Variants in TJP2 observed in about 807,000 individuals in gnomAD.
TJP2 encodes tight junction protein 2, also known as Friedreich ataxia region gene X104 (tight junction protein ZO-2).
Under a neutral mutation model 133.1 loss-of-function variants are expected in TJP2, and 91 were observed. That is an observed-to-expected ratio of 0.68 (90% CI 0.58 to 0.81). The LOEUF (loss-of-function observed/expected upper bound fraction) is 0.81, where lower values mean the gene tolerates loss of function less well. Ranked by LOEUF, TJP2 falls within the 40% of genes least tolerant of loss-of-function variation. The pLI is 0.00. For synonymous variants in TJP2, 592 were observed against 583.4 expected (o/e 1.01, Z -0.21); for missense variants, 1,541 against 1,565.6 (o/e 0.98, Z 0.26).
chr9:69,223,069 GAAAAAAAAAAAAAAAA>G (rs57114714), intron 5 of TJP2, among the ~76,000 whole-genome samples: 19,374 of 114,404 alleles, frequency 0.17, 1,603 homozygotes, highest in African/African-American at 0.24. Flanking sequence ...ACTCTGTCTT[GAAAAAAAAAAAAAAAA>G]AAAAAAGAAA....
At chr9:69,142,632 T>A (rs1000649423) in intron 1 of TJP2, among the ~76,000 whole-genome samples, 1 of 152,316 alleles carries the variant, frequency 6.6e-6, no homozygotes. Context: ...TTTCCCTTTT[T>A]ATACTTCCAA....
chr9:69,249,341 G>A (rs1250870647), intron 19 of TJP2, 34 bp from the exon 20 acceptor site: 1 of 1,578,836 alleles, frequency 6.3e-7, no homozygotes, highest in Admixed American at 1.8e-5. Flanking sequence ...CTGCTTGGAT[G>A]TTCTTGTTGT....
At chr9:69,155,227 CAAA>C (rs58935075) in intron 2 of TJP2, among the ~76,000 whole-genome samples, 353 of 98,764 alleles carry the variant, frequency 3.6e-3, no homozygotes, top group African/African-American at 0.01. Context: ...ACTCCATTTC[CAAA>C]AAAAAAAAAA....
upstream of TJP2, among the ~76,000 whole-genome samples, chr9:69,171,307 T>C (rs1824667502): frequency 2.6e-5 from 4 of 152,186 alleles, no homozygotes; most frequent in South Asian, 8.3e-4. Flanking sequence ...CCTAACTTCA[T>C]AGCCACGTCA....
Position 69,137,265 on chromosome 9 carries a change from CTTTCTT to C in TJP2, c.-130-14378_-130-14373del, listed in dbSNP as rs200808086. ...TCTCTCTCTCTTTCTTTCTTTCTTTCTTTCTTTTTCTTTCTTTCTTTCTTTCTTTCT... is the reference window on the plus strand; with the variant it reads ...TCTCTCTCTCTTTCTTTCTTTCTTTCTTTCTTTCTTTCTTTCTTTCTTTCT... On this transcript the variant is annotated intron_variant, in intron 1 of 5. Transcript: ENST00000423935. 6.8e-3 allele frequency among the ~76,000 whole-genome samples: 659 copies of C among 96,780 alleles called. 14 individuals are homozygous for C. Among genetic ancestry groups the C allele is most frequent in the African/African-American group, 0.013 (267 of 19,926 alleles). The allele number at this position is 96,780 out of a possible 152,430, so 63.5% of individuals were successfully genotyped here.
At chr9:69,155,236 A>C (rs1432979269) in intron 2 of TJP2, among the ~76,000 whole-genome samples, 1 of 151,518 alleles carries the variant, frequency 6.6e-6, no homozygotes, top group African/African-American at 2.4e-5. Flanking sequence ...CCAAAAAAAA[A>C]AAAAAAAAAA....
intron 1 of TJP2, among the ~76,000 whole-genome samples, chr9:69,198,141 C>CTTTTT (rs5898062): frequency 5.2e-4 from 50 of 96,340 alleles, no homozygotes; most frequent in African/African-American, 1.2e-3. Context: ...TTTCCCAATT[C>CTTTTT]TTTTTTTTTT....
chr9:69,174,187 G>A (rs1439682720), upstream of TJP2: 4 of 1,368,928 alleles, frequency 2.9e-6, no homozygotes, highest in Non-Finnish European at 3.8e-6. Flanking sequence ...CGCTCGGGTC[G>A]GGGGCGGGCT....
chr9:69,130,768 C>T (rs1822461155), intron 1 of TJP2, among the ~76,000 whole-genome samples: 1 of 151,990 alleles, frequency 6.6e-6, no homozygotes, highest in Admixed American at 6.6e-5. Flanking sequence ...GGAGGGGTGG[C>T]TGCGAGGAAG....
At chr9:69,174,470 TCGTGAG>T (rs59568063) in intron 1 of TJP2, 38 bp downstream of exon 1, 2 of 1,515,546 alleles carry the variant, frequency 1.3e-6, no homozygotes, top group East Asian at 5.0e-5. Flanking sequence ...GGGAGGAGGG[TCGTGAG>T]CGTGAGCGTG....
chr9:69,247,078 G>C (rs1045837520), intron 18 of TJP2, among the ~76,000 whole-genome samples: 2 of 152,226 alleles, frequency 1.3e-5, no homozygotes, highest in Admixed American at 6.5e-5. Context: ...AAGATCTCAT[G>C]CTGAGCTCCA....
chr9:69,165,663 A>G (rs978216526), intron 2 of TJP2, among the ~76,000 whole-genome samples: 1 of 152,164 alleles, frequency 6.6e-6, no homozygotes, highest in African/African-American at 2.4e-5. Flanking sequence ...AGGGGTCTCT[A>G]TCCCCGAAAA....
intron 1 of TJP2, among the ~76,000 whole-genome samples, chr9:69,134,629 A>C (rs542765992): frequency 6.6e-6 from 1 of 152,306 alleles, no homozygotes; most frequent in Non-Finnish European, 1.5e-5. Context: ...CAAGCAAGAC[A>C]AACTGGGTTC....
chr9:69,180,855 G>T (rs537994909), intron 1 of TJP2, among the ~76,000 whole-genome samples: 1 of 152,180 alleles, frequency 6.6e-6, no homozygotes, highest in Non-Finnish European at 1.5e-5. Context: ...TGGTGAGGAT[G>T]CACATGCTAG....
intron 17 of TJP2, among the ~76,000 whole-genome samples, chr9:69,245,801 G>A (rs763974158): frequency 1.1e-4 from 17 of 152,190 alleles, no homozygotes; most frequent in Non-Finnish European, 2.2e-4. Context: ...CATAGTAAGT[G>A]CTATTATGTA....
chr9:69,221,622 C>T (rs1400246819), intron 5 of TJP2, 126 bp downstream of exon 5: 2 of 1,273,656 alleles, frequency 1.6e-6, no homozygotes, highest in Middle Eastern at 2.0e-4. Flanking sequence ...GGCGTGATCT[C>T]GGCTCACTGC....
intron 11 of TJP2, among the ~76,000 whole-genome samples, chr9:69,231,108 T>G (rs7046393): frequency 0.1 from 12,775 of 124,060 alleles, 584 homozygotes; most frequent in African/African-American, 0.14. Context: ...TAGGGAACTG[T>G]TTTTTTTGTT....
At chr9:69,228,198 C>T in intron 9 of TJP2, 84 bp downstream of exon 9, 1 of 1,518,532 alleles carries the variant, frequency 6.6e-7, no homozygotes, top group South Asian at 1.2e-5. Context: ...GAAATCATGT[C>T]CTTTGCAGCC....
At chr9:69,168,806 A>AG (rs1564397014) in intron 2 of TJP2, among the ~76,000 whole-genome samples, 1 of 150,118 alleles carries the variant, frequency 6.7e-6, no homozygotes. Context: ...GTCTCAAAAA[A>AG]AAAAAAAAAA....
Sources: allele counts gnomAD v4.1 joint callset (sites outside exome capture counted in the v4.1 genomes callset), GRCh38; gene constraint gnomAD v4.1.1; transcripts MANE v1.5; gene names NCBI Gene and HGNC (gene_info 2026-07-23, HGNC 2026-07-21).